Variants in EYS observed in about 807,000 individuals in gnomAD.
EYS encodes EGF-like photoreceptor maintenance factor, also known as protein eyes shut homolog.
EYS carries 250 observed loss-of-function variants against 282.1 expected under a neutral mutation model. That is an observed-to-expected ratio of 0.89 (90% CI 0.80 to 0.98). EYS has a LOEUF of 0.98. Ranked by LOEUF, EYS falls within the 50% of genes least tolerant of loss-of-function variation. The probability of loss-of-function intolerance (pLI) is 0.00; values close to 1 mark genes in which losing one functional copy is unlikely to be tolerated. For missense variants in EYS, 4,016 were observed against 3,709.0 expected (o/e 1.08, Z -2.15); for synonymous variants, 1,355 against 1,282.9 (o/e 1.06, Z -1.20).
chr6:64,936,476 T>C (rs2150090238), intron 15 of EYS, among the ~76,000 whole-genome samples: 1 of 151,476 alleles, frequency 6.6e-6, no homozygotes, highest in African/African-American at 2.4e-5. Flanking sequence ...AAAAAACGTA[T>C]CAATATTGGA....
At chr6:64,800,072 T>C (rs557497240) in intron 22 of EYS, among the ~76,000 whole-genome samples, 3 of 152,130 alleles carry the variant, frequency 2.0e-5, no homozygotes, top group African/African-American at 7.2e-5. Flanking sequence ...GGGAGAAGCT[T>C]AGAAAACTTT....
chr6:65,661,140 C>T (rs898053859), intron 1 of EYS, among the ~76,000 whole-genome samples: 32 of 151,848 alleles, frequency 2.1e-4, no homozygotes, highest in Non-Finnish European at 4.0e-4. Flanking sequence ...GAAAGATGGT[C>T]TTCCTTACCA....
chr6:64,705,108 C>T (rs80212892), intron 22 of EYS, among the ~76,000 whole-genome samples: 4,338 of 152,214 alleles, frequency 0.028, 127 homozygotes, highest in East Asian at 0.14. Context: ...GCTCCTAAAA[C>T]TGATAAATAA....
chr6:64,967,660 C>A (rs9453137), intron 14 of EYS, among the ~76,000 whole-genome samples: 198 of 152,200 alleles, frequency 1.3e-3, no homozygotes, highest in African/African-American at 4.6e-3. Flanking sequence ...ATTCAGTACA[C>A]CATATGCTCC....
chr6:64,096,203 C>G (rs1426516726), intron 31 of EYS, among the ~76,000 whole-genome samples: 2 of 152,186 alleles, frequency 1.3e-5, no homozygotes, highest in Non-Finnish European at 2.9e-5. Context: ...TTCATTTCAA[C>G]TTTGTTGAAT....
intron 2 of EYS, among the ~76,000 whole-genome samples, chr6:65,501,230 C>T (rs576092200): frequency 6.6e-6 from 1 of 151,794 alleles, no homozygotes; most frequent in East Asian, 1.9e-4. Context: ...TATACATGTG[C>T]GTTTGTCTGT....
chr6:64,902,597 G>A, intron 16 of EYS, 97 bp from the exon 17 acceptor site: 1 of 621,026 alleles, frequency 1.6e-6, no homozygotes, highest in South Asian at 2.7e-5. Flanking sequence ...TCATAATGGA[G>A]GTTAAAAAAG....
At chr6:65,416,410 T>C (rs1767236707) in intron 5 of EYS, among the ~76,000 whole-genome samples, 1 of 151,890 alleles carries the variant, frequency 6.6e-6, no homozygotes, top group South Asian at 2.1e-4. Flanking sequence ...TCTCTATCTC[T>C]CTCTCATACA....
intron 30 of EYS, among the ~76,000 whole-genome samples, chr6:64,280,430 C>A (rs1436311657): frequency 6.6e-6 from 1 of 152,028 alleles, no homozygotes; most frequent in Non-Finnish European, 1.5e-5. Flanking sequence ...CTAGACTATG[C>A]AAATACTATA....
At chr6:65,114,054 A>T (rs2150190875) in intron 12 of EYS, among the ~76,000 whole-genome samples, 1 of 152,120 alleles carries the variant, frequency 6.6e-6, no homozygotes, top group South Asian at 2.1e-4. Flanking sequence ...AATAGGGATA[A>T]CAAAACGTAT....
At chr6:65,280,178 T>C (rs1768176997) in intron 12 of EYS, among the ~76,000 whole-genome samples, 1 of 152,156 alleles carries the variant, frequency 6.6e-6, no homozygotes, top group African/African-American at 2.4e-5. Flanking sequence ...AAAATAATGT[T>C]ACTAATTTCC....
At chr6:64,750,147 T>G (rs1206277858) in intron 22 of EYS, among the ~76,000 whole-genome samples, 2 of 152,160 alleles carry the variant, frequency 1.3e-5, no homozygotes, top group South Asian at 2.1e-4. Context: ...ATTTAATACT[T>G]TATTATCTAG....
In EYS at chr6:64,590,648, C is replaced by G. The variant is rs1199133809; in HGVS notation, c.5219G>C (p.Ser1740Thr). 1 of 1,551,150 alleles carries G rather than the reference C, an allele frequency of 6.4e-7. No homozygotes were observed. The highest frequency in any genetic ancestry group is 8.7e-7 in the Non-Finnish European group (1 of 1,146,742). ...GSHTLFKLHPSDSSLDFELNL... is the reference protein window; with the variant it reads ...GSHTLFKLHPTDSSLDFELNL... ...TAACTCAAAATCCAGAGAACTATCA[C>G]TTGGGTGAAGTTTGAACAGTGTATG... is the stretch of plus-strand genomic sequence containing the variant. The change falls in exon 26 of 43, where the codon AGT (serine) becomes ACT (threonine). Residue 1740 changes from serine to threonine, a missense_variant. Physicochemically the swap from Ser to Thr is moderately conservative, Grantham distance 58. Coordinates refer to ENST00000503581, the MANE Select transcript of EYS (RefSeq NM_001142800.2).
At chr6:64,824,144 C>T (rs1764980409) in intron 19 of EYS, among the ~76,000 whole-genome samples, 1 of 151,862 alleles carries the variant, frequency 6.6e-6, no homozygotes, top group African/African-American at 2.4e-5. Context: ...GGGATATTGA[C>T]ATCTGTGTTT....
chr6:63,989,375 G>A (rs1290890416), intron 34 of EYS, among the ~76,000 whole-genome samples: 1 of 151,568 alleles, frequency 6.6e-6, no homozygotes, highest in Admixed American at 6.6e-5. Context: ...TGTTAAAAAA[G>A]CTTAAATTCT....
intron 16 of EYS, among the ~76,000 whole-genome samples, chr6:64,904,990 T>G (rs555305268): frequency 1.3e-5 from 2 of 152,300 alleles, no homozygotes; most frequent in Admixed American, 1.3e-4. Context: ...TGAGATAGCC[T>G]ATGTTTTGGG....
rs138276236 is a variant in EYS, at chr6:65,113,638, G to A, written c.2024-55911C>T. Among the ~76,000 whole-genome samples the A allele has an allele frequency of 2.6e-3, 395 of 152,090 alleles. 3 individuals carry two copies. The highest frequency in any genetic ancestry group is 9.1e-3 in the African/African-American group (376 of 41,542). ...TGCTTAACTTCTTTCTTCATGCCAT[G>A]TTCTTCTTTACTTCTTATTCGAATT... On this transcript the variant is annotated intron_variant, in intron 12 of 42. Transcript: ENST00000503581.
chr6:65,370,233 T>C (rs1221102184), intron 8 of EYS, among the ~76,000 whole-genome samples: 1 of 150,330 alleles, frequency 6.7e-6, no homozygotes, highest in Admixed American at 6.9e-5. Flanking sequence ...CTTTCTTTCC[T>C]TTCTATTTCT....
At chr6:65,453,127 T>C (rs1764468694) in intron 5 of EYS, among the ~76,000 whole-genome samples, 1 of 151,972 alleles carries the variant, frequency 6.6e-6, no homozygotes. Flanking sequence ...ATATGTGTGG[T>C]TGGTATGTAT....
Sources: allele counts gnomAD v4.1 joint callset (sites outside exome capture counted in the v4.1 genomes callset), GRCh38; gene constraint gnomAD v4.1.1; transcripts MANE v1.5; gene names NCBI Gene and HGNC (gene_info 2026-07-23, HGNC 2026-07-21).